Variants in ST6GAL1 observed in about 807,000 individuals in gnomAD.
ST6GAL1 encodes the protein ST6 beta-galactoside alpha-2,6-sialyltransferase 1.
ST6GAL1 carries 20 observed loss-of-function variants against 38.0 expected under a neutral mutation model. The ratio of observed to expected loss-of-function variants is 0.53; its 90% CI spans 0.37 to 0.77. ST6GAL1 has a LOEUF of 0.77. ST6GAL1 is among the 30% of genes least tolerant of loss of function. The pLI is 0.00. For synonymous variants in ST6GAL1, 196 were observed against 188.2 expected (o/e 1.04, Z -0.34); for missense variants, 432 against 496.4 (o/e 0.87, Z 1.23).
intron 2 of ST6GAL1, among the ~76,000 whole-genome samples, chr3:186,969,260 C>T (rs1180756045): frequency 6.6e-6 from 1 of 152,094 alleles, no homozygotes; most frequent in East Asian, 1.9e-4. Context: ...ACCATGTTAG[C>T]CAGGCTGGTG....
intron 2 of ST6GAL1, among the ~76,000 whole-genome samples, chr3:187,027,531 C>T (rs73071426): frequency 8.6e-4 from 131 of 152,272 alleles, no homozygotes; most frequent in African/African-American, 3.1e-3. Flanking sequence ...CTCAGTGTTG[C>T]CTCCTCTCTA....
At chr3:187,005,916 G>T (rs565237854) in intron 2 of ST6GAL1, among the ~76,000 whole-genome samples, 2 of 152,236 alleles carry the variant, frequency 1.3e-5, no homozygotes, top group African/African-American at 4.8e-5. Context: ...TCAGTAACTT[G>T]CATGGAAGAG....
chr3:186,994,672 A>G (rs576113973), intron 2 of ST6GAL1, among the ~76,000 whole-genome samples: 1 of 152,200 alleles, frequency 6.6e-6, no homozygotes, highest in South Asian at 2.1e-4. Context: ...CCCTTTAAAA[A>G]TAGGCCGGGG....
intron 2 of ST6GAL1, among the ~76,000 whole-genome samples, chr3:186,971,494 C>G (rs1307722508): frequency 1.3e-5 from 2 of 152,176 alleles, no homozygotes; most frequent in Non-Finnish European, 2.9e-5. Flanking sequence ...TTCTGCTCCC[C>G]CAGTCTGGCT....
intron 2 of ST6GAL1, among the ~76,000 whole-genome samples, chr3:186,991,581 A>G (rs73888336): frequency 0.014 from 2,073 of 152,220 alleles, 43 homozygotes; most frequent in African/African-American, 0.048. Flanking sequence ...ATGGACTGAT[A>G]CAGGCCATTT....
At chr3:186,986,571 A>T (rs566635845) in intron 2 of ST6GAL1, 1 of 152,158 alleles carries the variant, frequency 6.6e-6, no homozygotes, top group East Asian at 1.9e-4. Flanking sequence ...TTAGCGCCAT[A>T]TTCTTCAGCA....
At chr3:187,000,395 CAA>C (rs370577965) in intron 2 of ST6GAL1, among the ~76,000 whole-genome samples, 56,395 of 123,256 alleles carry the variant, frequency 0.46, 11,502 homozygotes, top group African/African-American at 0.56. Context: ...ACTAAAAATA[CAA>C]AAAAAAAAAA....
intron 2 of ST6GAL1, among the ~76,000 whole-genome samples, chr3:187,005,388 G>A (rs1190905477): frequency 6.9e-6 from 1 of 145,934 alleles, no homozygotes; most frequent in Non-Finnish European, 1.5e-5. Context: ...CCATTCTCTT[G>A]CCTCAGCCTC....
intron 4 of ST6GAL1, among the ~76,000 whole-genome samples, chr3:187,046,607 A>G (rs1337406649): frequency 1.3e-5 from 2 of 152,194 alleles, no homozygotes; most frequent in Non-Finnish European, 2.9e-5. Context: ...CATACAATGG[A>G]AGGCAAAGGG....
intron 1 of ST6GAL1, among the ~76,000 whole-genome samples, chr3:186,943,537 C>T (rs1282944928): frequency 6.6e-6 from 1 of 152,130 alleles, no homozygotes; most frequent in Non-Finnish European, 1.5e-5. Flanking sequence ...GCAACCTCCG[C>T]CTCCCGGGTT....
rs183362004 is a variant in ST6GAL1 at position 187,003,198 on chromosome 3, C to G, written c.-182-35544C>G. Among the ~76,000 whole-genome samples, 11 of 152,218 alleles carry G rather than the reference C, an allele frequency of 7.2e-5. No individual in the cohort carries two copies. In the East Asian group the frequency reaches 1.9e-3, roughly 27 times the overall value. ...CCAAACCAAACCAAAACAACAACAGCAAAAACAATGCCCCAGCTCAAGGCA... is the reference window on the plus strand; with the variant it reads ...CCAAACCAAACCAAAACAACAACAGGAAAAACAATGCCCCAGCTCAAGGCA... On this transcript the variant is annotated intron_variant, in intron 2 of 7. Coordinates refer to ENST00000169298, the MANE Select transcript of ST6GAL1 (RefSeq NM_173216.2).
Position 186,958,965 on chromosome 3 carries a change from AAATT to A in ST6GAL1, c.-324-4817_-324-4814del, listed in dbSNP as rs1187720457. On this transcript the variant is annotated intron_variant, in intron 1 of 7. Transcript: ENST00000169298. ...GAGACTCCATCTCAAAAAAAAAAAA[AAATT>A]AAATAAATAAATAAATAAATAAATA... Among the ~76,000 whole-genome samples, 55 of 40,918 alleles carry A rather than the reference AAATT, an allele frequency of 1.3e-3. 1 individual carries two copies. In the East Asian group the frequency reaches 0.019, roughly 14 times the overall value. The allele number at this position is 40,918 out of a possible 152,430, so 26.8% of individuals were successfully genotyped here.
At position 187,077,267 on chromosome 3, in the gene ST6GAL1, A is replaced by T. The variant is rs1186838314; in HGVS notation, c.*1464A>T. 6.7e-6 allele frequency: 2 copies of T among 299,704 alleles called. No homozygotes were observed. The highest frequency in any genetic ancestry group is 4.3e-5 in the African/African-American group (2 of 46,242). 18.6% of individuals were successfully genotyped at this position (299,704 alleles called of 1,614,324 possible). A position where few individuals can be genotyped will look rare whatever the true frequency, so the allele number is the denominator to read the frequency against. ...GCAGACATGCTCTCCAGATGGTTTT[A>T]CTAAGTCCCCTCTCCCTGATAGGGA... On this transcript the variant is annotated 3_prime_UTR_variant, in exon 8 of 8. Transcript: ENST00000169298.
At chr3:187,034,101 A>G (rs1717845995) in intron 2 of ST6GAL1, among the ~76,000 whole-genome samples, 1 of 134,078 alleles carries the variant, frequency 7.5e-6, no homozygotes, top group Non-Finnish European at 1.5e-5. Context: ...CCACAGAAAT[A>G]TGAAAGATCT....
intron 2 of ST6GAL1, among the ~76,000 whole-genome samples, chr3:186,987,251 GGAAGAAAGAAA>G (rs1423694174): frequency 1.3e-5 from 2 of 150,328 alleles, no homozygotes; most frequent in African/African-American, 5.0e-5. Flanking sequence ...AGGAAAGAAA[GGAAGAAAGAAA>G]GAAGAAAGAA....
intron 5 of ST6GAL1, among the ~76,000 whole-genome samples, chr3:187,053,174 A>G (rs939599187): frequency 5.3e-5 from 8 of 152,004 alleles, no homozygotes; most frequent in Admixed American, 2.6e-4. Context: ...ATTTGTTTAC[A>G]TTCTTTGTGG....
intron 2 of ST6GAL1, among the ~76,000 whole-genome samples, chr3:186,982,767 C>T (rs1323937926): frequency 6.6e-6 from 1 of 150,798 alleles, no homozygotes; most frequent in Non-Finnish European, 1.5e-5. Context: ...CTGCAATCTC[C>T]GCTACCCGGG....
At chr3:187,035,245 G>A (rs965209468) in intron 2 of ST6GAL1, among the ~76,000 whole-genome samples, 2 of 152,092 alleles carry the variant, frequency 1.3e-5, no homozygotes, top group African/African-American at 4.8e-5. Flanking sequence ...GCTGAAAGAA[G>A]TCATGGATGA....
chr3:187,028,792 T>C (rs1176074382), intron 2 of ST6GAL1, among the ~76,000 whole-genome samples: 2 of 152,250 alleles, frequency 1.3e-5, no homozygotes, highest in Non-Finnish European at 2.9e-5. Context: ...TAGGAAGTCC[T>C]ACCTTCTGGA....
Sources: allele counts gnomAD v4.1 joint callset (sites outside exome capture counted in the v4.1 genomes callset), GRCh38; gene constraint gnomAD v4.1.1; transcripts MANE v1.5; gene names NCBI Gene and HGNC (gene_info 2026-07-23, HGNC 2026-07-21).